OR6N2: variants seen among roughly 807,000 people sequenced by gnomAD.
OR6N2 encodes the protein olfactory receptor family 6 subfamily N member 2.
For synonymous variants in OR6N2, 160 were observed against 138.3 expected (o/e 1.16, Z -1.10); for missense variants, 399 against 379.7 (o/e 1.05, Z -0.42).
rs1456959232 is a variant in OR6N2, at chr1:158,776,848, T to G, written c.788A>C (p.Lys263Thr). The change falls in exon 2 of 2, where the codon AAG becomes ACG. Residue 263 changes from lysine (K) to threonine (T), a missense_variant. Lys to Thr is a moderately conservative substitution (Grantham distance 78, BLOSUM62 -1). Coordinates refer to ENST00000641131, the MANE Select transcript of OR6N2 (RefSeq NM_001005278.2). Reference protein sequence around the residue: ...GSIIFMYVRLKKSYSLTLDRT... With the variant: ...GSIIFMYVRLTKSYSLTLDRT... ...GTCAAGGGTCAGGGAATAGCTCTTC[T>G]TTAGCCGCACATACATGAAGATGAT... 2 of 1,614,156 alleles carry G rather than the reference T, an allele frequency of 1.2e-6. No individual in the cohort carries two copies. Among genetic ancestry groups the G allele is most frequent in the Admixed American group, 3.3e-5 (2 of 60,008 alleles).
Position 158,777,277 on chromosome 1 carries a change from T to C in OR6N2, c.359A>G (p.Tyr120Cys), listed in dbSNP as rs760217126. The C allele has an allele frequency of 1.2e-6, 2 of 1,613,962 alleles. No individual in the cohort carries two copies. The highest frequency in any genetic ancestry group is 4.5e-5 in the East Asian group (2 of 44,878). The change falls in exon 2 of 2, where the codon TAT becomes TGT. Residue 120 changes from tyrosine to cysteine, a missense_variant. Tyr to Cys is a radical substitution (Grantham distance 194). Transcript: ENST00000641131. ...SECYLLTAMA[Y>C]DRYLAICRPL... Reference sequence around the variant, plus strand: ...CCGACAAATGGCCAGGTATCTATCATAGGCCATGGCTGTAAGAAGGTAGCA... The same window carrying C: ...CCGACAAATGGCCAGGTATCTATCACAGGCCATGGCTGTAAGAAGGTAGCA...
rs1448759564 is a variant in OR6N2, at chr1:158,775,037, A to G, written c.*1645T>C. On this transcript the variant is annotated 3_prime_UTR_variant, in exon 2 of 2. Coordinates refer to ENST00000641131, the MANE Select transcript of OR6N2 (RefSeq NM_001005278.2). ...TTAGGTGCTGTGTTAGTTTCTGGAC[A>G]CACAACAAATAAAAAATCTGAAATA... 6.6e-6 allele frequency: 1 copy of G among 152,238 alleles called. No homozygotes were observed. The highest frequency in any genetic ancestry group is 2.4e-5 in the African/African-American group (1 of 41,464). The allele number at this position is 152,238 out of a possible 1,614,324, so 9.4% of individuals were successfully genotyped here. A position where few individuals can be genotyped will look rare whatever the true frequency, so the allele number is the denominator to read the frequency against.
At position 158,777,301 on chromosome 1, in the gene OR6N2, C is replaced by A; in HGVS notation, c.335G>T (p.Cys112Phe). ...ATAGGCCATGGCTGTAAGAAGGTAG[C>A]ATTCAGACGCTCCCAAGGAGTGGAA... is the stretch of plus-strand genomic sequence containing the variant. ...YFFHSLGASE[C>F]YLLTAMAYDR... The change falls in exon 2 of 2, where the codon TGC becomes TTC. Residue 112 changes from cysteine (C) to phenylalanine (F), a missense_variant. Cys to Phe is a radical substitution (Grantham distance 205). Transcript: ENST00000641131. The A allele has an allele frequency of 6.2e-7, 1 of 1,614,106 alleles. No homozygotes were observed. Among genetic ancestry groups the A allele is most frequent in the Admixed American group, 1.7e-5 (1 of 60,020 alleles).
rs1164976527 is a variant in OR6N2 at position 158,776,659 on chromosome 1, T to G, written c.*23A>C. The G allele has an allele frequency of 7.2e-7, 1 of 1,397,722 alleles. No homozygotes were observed. The highest frequency in any genetic ancestry group is 9.9e-7 in the Non-Finnish European group (1 of 1,006,212). 86.6% of individuals were successfully genotyped at this position (1,397,722 alleles called of 1,614,324 possible). A position where few individuals can be genotyped will look rare whatever the true frequency, so the allele number is the denominator to read the frequency against. On this transcript the variant is annotated 3_prime_UTR_variant, in exon 2 of 2. Coordinates refer to ENST00000641131, the MANE Select transcript of OR6N2 (RefSeq NM_001005278.2). ...AACTTTTATGAATTGAACATTGAGG[T>G]GAGAAAGGACATGGGAAGAAAGTCA...
intron 1 of OR6N2, among the ~76,000 whole-genome samples, chr1:158,780,691 A>G (rs1380515501): frequency 2.0e-5 from 3 of 152,184 alleles, no homozygotes; most frequent in Middle Eastern, 3.2e-3. Flanking sequence ...TTGAATATGT[A>G]TTGCTTTCAT....
Position 158,775,895 on chromosome 1 carries a change from T to G in OR6N2, c.*787A>C, listed in dbSNP as rs533608822. 1 of 152,196 alleles carries G rather than the reference T, an allele frequency of 6.6e-6. No individual in the cohort carries two copies. Among genetic ancestry groups the G allele is most frequent in the Non-Finnish European group, 1.5e-5 (1 of 68,030 alleles). The allele number at this position is 152,196 out of a possible 1,614,324, so 9.4% of individuals were successfully genotyped here. A position where few individuals can be genotyped will look rare whatever the true frequency, so the allele number is the denominator to read the frequency against. ...AAATTTTAAGAAATCAATTTTGACA[T>G]GTTAAGTTTTAAATTATTGACAAGT... On this transcript the variant is annotated 3_prime_UTR_variant, in exon 2 of 2. Transcript: ENST00000641131.
At chr1:158,780,095 A>G (rs1657712173) in intron 1 of OR6N2, among the ~76,000 whole-genome samples, 1 of 152,226 alleles carries the variant, frequency 6.6e-6, no homozygotes, top group Non-Finnish European at 1.5e-5. Flanking sequence ...CAAAGCTTAC[A>G]GTATTCTAAT....
At position 158,775,400 on chromosome 1, in the gene OR6N2, G is replaced by A. The variant is rs563812446; in HGVS notation, c.*1282C>T. 6.6e-6 allele frequency: 1 copy of A among 152,294 alleles called. No homozygotes were observed. Among genetic ancestry groups the A allele is most frequent in the African/African-American group, 2.4e-5 (1 of 41,582 alleles). The allele number at this position is 152,294 out of a possible 1,614,324, so 9.4% of individuals were successfully genotyped here. On this transcript the variant is annotated 3_prime_UTR_variant, in exon 2 of 2. Coordinates refer to ENST00000641131, the MANE Select transcript of OR6N2 (RefSeq NM_001005278.2). ...ACCTGAAAGAGTAATCATGTAGCTAGGAAAGAGGGAGCTGAGGGAGTAGAG... is the reference window on the plus strand; with the variant it reads ...ACCTGAAAGAGTAATCATGTAGCTAAGAAAGAGGGAGCTGAGGGAGTAGAG...
chr1:158,777,254 G>C lies in OR6N2; in HGVS notation c.382C>G (p.Arg128Gly). The change falls in exon 2 of 2, where the codon CGG (arginine) becomes GGG (glycine). Residue 128 changes from arginine to glycine, a missense_variant. Transcript: ENST00000641131. ...ATAATTATAGGGTAGTGGAGGGGCC[G>C]ACAAATGGCCAGGTATCTATCATAG... ...MAYDRYLAIC[R>G]PLHYPIIMTT... 6 of 1,614,096 alleles carry C rather than the reference G, an allele frequency of 3.7e-6. No homozygotes were observed. Among genetic ancestry groups the C allele is most frequent in the Non-Finnish European group, 5.1e-6 (6 of 1,179,998 alleles).
intron 1 of OR6N2, among the ~76,000 whole-genome samples, chr1:158,779,608 C>A (rs565952315): frequency 6.6e-6 from 1 of 152,308 alleles, no homozygotes; most frequent in South Asian, 2.1e-4. Context: ...TTAAAAGACT[C>A]TTCTTGATTC....
In OR6N2 at chr1:158,776,735, T is replaced by C. The variant is rs1452969813; in HGVS notation, c.901A>G (p.Ile301Val). ...SLRNKEIIKAIKRTIFQKGDK... is the reference protein window; with the variant it reads ...SLRNKEIIKAVKRTIFQKGDK... ...CCCTTCTGGAAGATGGTCCTCTTGA[T>C]AGCTTTAATGATTTCCTTGTTACGA... is the stretch of plus-strand genomic sequence containing the variant. Residue 301 changes from isoleucine (I) to valine (V), a missense_variant, in exon 2 of 2, where the codon ATC becomes GTC. Ile to Val is a conservative substitution (Grantham distance 29, BLOSUM62 3). Transcript: ENST00000641131. 2 of 1,613,582 alleles carry C rather than the reference T, an allele frequency of 1.2e-6. No homozygotes were observed. The highest frequency in any genetic ancestry group is 2.7e-5 in the African/African-American group (2 of 75,032).
rs1198956738 is a variant in OR6N2 at position 158,774,351 on chromosome 1, A to C, written c.*2331T>G. 1 of 152,238 alleles carries C rather than the reference A, an allele frequency of 6.6e-6. No homozygotes were observed. The highest frequency in any genetic ancestry group is 6.5e-5 in the Admixed American group (1 of 15,284). 9.4% of individuals were successfully genotyped at this position (152,238 alleles called of 1,614,324 possible). A position where few individuals can be genotyped will look rare whatever the true frequency, so the allele number is the denominator to read the frequency against. Reference sequence around the variant, plus strand: ...CTACCTAGTTCATGAACCTGCTGAGATAAAACACACAACAAATCAAGAAAA... The same window carrying C: ...CTACCTAGTTCATGAACCTGCTGAGCTAAAACACACAACAAATCAAGAAAA... On this transcript the variant is annotated 3_prime_UTR_variant, in exon 2 of 2. Transcript: ENST00000641131.
In OR6N2 at chr1:158,777,265, A is replaced by G; in HGVS notation, c.371T>C (p.Leu124Pro). ...LLTAMAYDRY[L>P]AICRPLHYPI... The stretch of plus-strand genomic sequence containing the variant: ...GTAGTGGAGGGGCCGACAAATGGCC[A>G]GGTATCTATCATAGGCCATGGCTGT... The change falls in exon 2 of 2, where the codon CTG (leucine) becomes CCG (proline). Residue 124 changes from leucine to proline, a missense_variant. Transcript: ENST00000641131. 6.2e-7 allele frequency: 1 copy of G among 1,614,124 alleles called. No individual in the cohort carries two copies. The highest frequency in any genetic ancestry group is 8.5e-7 in the Non-Finnish European group (1 of 1,179,984).
In OR6N2 at chr1:158,776,739, T is replaced by C; in HGVS notation, c.897A>G (p.Lys299=). The change falls in exon 2 of 2, where the codon AAA becomes AAG. Residue 299 remains lysine, a synonymous_variant. Transcript: ENST00000641131. The part of the protein sequence containing the change: ...IYSLRNKEII[K]AIKRTIFQKG... ...TCTGGAAGATGGTCCTCTTGATAGC[T>C]TTAATGATTTCCTTGTTACGAAGAC... The C allele has an allele frequency of 3.1e-6, 5 of 1,613,924 alleles. No homozygotes were observed. The highest frequency in any genetic ancestry group is 4.2e-6 in the Non-Finnish European group (5 of 1,179,882).
chr1:158,777,213 A>C lies in OR6N2; in HGVS notation c.423T>G (p.Cys141Trp), dbSNP rs1001639693. The change falls in exon 2 of 2, where the codon TGT becomes TGG. Residue 141 changes from cysteine (C) to tryptophan (W), a missense_variant. Coordinates refer to ENST00000641131, the MANE Select transcript of OR6N2 (RefSeq NM_001005278.2). The part of the protein sequence containing the change: ...HYPIIMTTTL[C>W]AKMAAACWTC... ...TCCAACAAGCAGCAGCCATCTTGGC[A>C]CAGAGTGTGGTGGTCATAATTATAG... 1 of 1,614,150 alleles carries C rather than the reference A, an allele frequency of 6.2e-7. No individual in the cohort carries two copies. The highest frequency in any genetic ancestry group is 1.3e-5 in the African/African-American group (1 of 75,036).
Position 158,781,150 on chromosome 1 carries a change from G to A in OR6N2, c.-7+20C>T, listed in dbSNP as rs998880424. 6.6e-6 allele frequency: 1 copy of A among 152,148 alleles called. No homozygotes were observed. Among genetic ancestry groups the A allele is most frequent in the South Asian group, 2.1e-4 (1 of 4,820 alleles). 9.4% of individuals were successfully genotyped at this position (152,148 alleles called of 1,614,324 possible). A position where few individuals can be genotyped will look rare whatever the true frequency, so the allele number is the denominator to read the frequency against. On this transcript the variant is annotated intron_variant, in intron 1 of 1. Transcript: ENST00000641131. ...CCAATCCCTGATCAATATAGTTAAT[G>A]TGCCCCTTAGTTCACCTACCAACCA...
At chr1:158,778,900 T>C (rs1470919326) in intron 1 of OR6N2, among the ~76,000 whole-genome samples, 2 of 151,068 alleles carry the variant, frequency 1.3e-5, no homozygotes, top group African/African-American at 4.9e-5. Flanking sequence ...CACCTGCAGT[T>C]CCCAGCTACT....
chr1:158,778,741 A>G (rs1004023746), intron 1 of OR6N2, among the ~76,000 whole-genome samples: 3 of 152,224 alleles, frequency 2.0e-5, no homozygotes, highest in South Asian at 4.1e-4. Context: ...TCGGCCGGGC[A>G]TGGTGACTCA....
chr1:158,778,823 G>T (rs1657673582), intron 1 of OR6N2, among the ~76,000 whole-genome samples: 2 of 151,666 alleles, frequency 1.3e-5, no homozygotes, highest in African/African-American at 2.4e-5. Context: ...GACCATCCTG[G>T]CTAACACGGT....
Sources: allele counts gnomAD v4.1 joint callset (sites outside exome capture counted in the v4.1 genomes callset), GRCh38; gene constraint gnomAD v4.1.1; transcripts MANE v1.5; gene names NCBI Gene and HGNC (gene_info 2026-07-23, HGNC 2026-07-21).